FARS2: variants seen among roughly 807,000 people sequenced by gnomAD.
FARS2 encodes the protein phenylalanyl-tRNA synthetase 2, mitochondrial.
Under a neutral mutation model 46.4 loss-of-function variants are expected in FARS2, and 40 were observed. The ratio of observed to expected loss-of-function variants is 0.86; its 90% CI spans 0.67 to 1.12. The LOEUF is 1.12. FARS2 is among the 50% of genes most tolerant of loss of function. The probability of loss-of-function intolerance (pLI) is 0.00; values close to 1 mark genes in which losing one functional copy is unlikely to be tolerated. For missense variants in FARS2, 513 were observed against 567.9 expected (o/e 0.90, Z 0.98); for synonymous variants, 234 against 214.9 (o/e 1.09, Z -0.78).
intron 5 of FARS2, among the ~76,000 whole-genome samples, chr6:5,589,526 CA>C (rs1258658501): frequency 1.1e-4 from 17 of 152,206 alleles, no homozygotes; most frequent in Non-Finnish European, 1.2e-4. Flanking sequence ...TTCGCTTTGG[CA>C]GTACCATGTT....
At chr6:5,379,239 C>T (rs1759593406) in intron 2 of FARS2, among the ~76,000 whole-genome samples, 2 of 152,172 alleles carry the variant, frequency 1.3e-5, no homozygotes, top group Non-Finnish European at 1.5e-5. Flanking sequence ...GGGCTGTCAA[C>T]TTTCACTGAA....
At chr6:5,686,351 G>A (rs542297254) in intron 6 of FARS2, among the ~76,000 whole-genome samples, 12 of 138,402 alleles carry the variant, frequency 8.7e-5, no homozygotes, top group African/African-American at 2.1e-4. Flanking sequence ...CTCCCCCCCC[G>A]CTGCCCACAC....
chr6:5,702,413 T>C (rs899268364), intron 6 of FARS2, among the ~76,000 whole-genome samples: 4 of 152,256 alleles, frequency 2.6e-5, no homozygotes, highest in African/African-American at 7.2e-5. Context: ...ATTCTTCTTA[T>C]CCTTCTGTAA....
intron 4 of FARS2, among the ~76,000 whole-genome samples, chr6:5,525,726 C>T (rs1769423617): frequency 6.6e-6 from 1 of 152,218 alleles, no homozygotes; most frequent in African/African-American, 2.4e-5. Context: ...TAGATTGGAT[C>T]AAGATGTTTA....
intron 4 of FARS2, among the ~76,000 whole-genome samples, chr6:5,475,274 T>A (rs1766056987): frequency 6.6e-6 from 1 of 152,192 alleles, no homozygotes; most frequent in South Asian, 2.1e-4. Flanking sequence ...ATATGCAGGC[T>A]TGAAGAGAAG....
At chr6:5,469,062 G>C (rs1313633054) in intron 4 of FARS2, among the ~76,000 whole-genome samples, 1 of 152,126 alleles carries the variant, frequency 6.6e-6, no homozygotes, top group East Asian at 1.9e-4. Flanking sequence ...ATGAGATTTG[G>C]GTTCTTGAAA....
intron 6 of FARS2, among the ~76,000 whole-genome samples, chr6:5,763,711 A>G (rs1458715027): frequency 6.7e-6 from 1 of 149,884 alleles, no homozygotes; most frequent in Non-Finnish European, 1.5e-5. Context: ...GGAAAACCGT[A>G]TAGAGTCATG....
chr6:5,432,341 T>TA (rs1763238136), intron 4 of FARS2, among the ~76,000 whole-genome samples: 1 of 33,130 alleles, frequency 3.0e-5, no homozygotes. Flanking sequence ...TATATATATA[T>TA]ATATATATAT....
In FARS2 at chr6:5,667,741, G is replaced by A. The variant is rs1346813320; in HGVS notation, c.1217+54421G>A. On this transcript the variant is annotated intron_variant, in intron 6 of 6. Coordinates refer to ENST00000274680, the MANE Select transcript of FARS2 (RefSeq NM_006567.5). ...ACAATCTGTCCAAATCTGTTATTTT[G>A]CAGAGGGGGAAGTGGAGACCCAGCC... 2.6e-5 allele frequency among the ~76,000 whole-genome samples: 4 copies of A among 152,292 alleles called. No homozygotes were observed. The East Asian group carries it at 5.8e-4, about 22-fold the overall frequency.
intron 1 of FARS2, among the ~76,000 whole-genome samples, chr6:5,367,855 T>G (rs754371190): frequency 7.2e-5 from 11 of 152,214 alleles, no homozygotes; most frequent in Non-Finnish European, 1.6e-4. Flanking sequence ...TCCATTGATA[T>G]AGTCTATCAC....
rs184263252 is a variant in FARS2 at position 5,513,196 on chromosome 6, C to T, written c.905-31984C>T. ...ATCAGCAAGTCCTAGTGACTCATCT[C>T]ATGTGACAGGTGAGGGAGGGAATGG... On this transcript the variant is annotated intron_variant, in intron 4 of 6. Coordinates refer to ENST00000274680, the MANE Select transcript of FARS2 (RefSeq NM_006567.5). Among the ~76,000 whole-genome samples, 623 of 152,190 alleles carry T rather than the reference C, an allele frequency of 4.1e-3. 3 individuals carry two copies. The highest frequency in any genetic ancestry group is 0.014 in the African/African-American group (587 of 41,514).
intron 1 of FARS2, among the ~76,000 whole-genome samples, chr6:5,284,542 T>G (rs939051055): frequency 6.6e-6 from 1 of 152,174 alleles, no homozygotes; most frequent in South Asian, 2.1e-4. Context: ...TAACATTTTA[T>G]TTGAGATTTC....
intron 6 of FARS2, among the ~76,000 whole-genome samples, chr6:5,682,057 C>A (rs1779060647): frequency 6.6e-6 from 1 of 152,162 alleles, no homozygotes; most frequent in Admixed American, 6.5e-5. Context: ...GACTCTACCT[C>A]CATTTGTTTA....
chr6:5,462,499 A>G (rs1455325701), intron 4 of FARS2, among the ~76,000 whole-genome samples: 1 of 152,092 alleles, frequency 6.6e-6, no homozygotes, highest in Non-Finnish European at 1.5e-5. Flanking sequence ...ATTTTCTTCT[A>G]GAAGTTTATT....
At chr6:5,736,356 T>C (rs965766110) in intron 6 of FARS2, among the ~76,000 whole-genome samples, 3 of 152,146 alleles carry the variant, frequency 2.0e-5, no homozygotes, top group African/African-American at 7.2e-5. Context: ...TGGTCCATTG[T>C]GGGAGGGGCC....
intron 5 of FARS2, among the ~76,000 whole-genome samples, chr6:5,546,343 TG>T (rs767835373): frequency 2.7e-5 from 4 of 149,648 alleles, no homozygotes; most frequent in African/African-American, 4.9e-5. Context: ...CTGCGCCTCC[TG>T]GGTTCAAGCA....
At chr6:5,638,151 A>G (rs745474071) in intron 6 of FARS2, among the ~76,000 whole-genome samples, 114 of 152,252 alleles carry the variant, frequency 7.5e-4, no homozygotes, top group Non-Finnish European at 1.4e-3. Context: ...CTCTGATCCT[A>G]TATTCTAATA....
intron 5 of FARS2, among the ~76,000 whole-genome samples, chr6:5,598,093 A>T (rs1244788448): frequency 2.6e-5 from 4 of 152,092 alleles, no homozygotes; most frequent in Non-Finnish European, 5.9e-5. Context: ...TCTCTTAAAA[A>T]TTTAGGTGAA....
In FARS2 at chr6:5,725,198, G is replaced by A. The variant is rs146363090; in HGVS notation, c.1218-46093G>A. Reference sequence around the variant, plus strand: ...TTAGTTGAAAGAGAGGGTTAGTGATGGCCAAATTCGTAGCCTGTTTTGGGG... The same window carrying A: ...TTAGTTGAAAGAGAGGGTTAGTGATAGCCAAATTCGTAGCCTGTTTTGGGG... On this transcript the variant is annotated intron_variant, in intron 6 of 6. Coordinates refer to ENST00000274680, the MANE Select transcript of FARS2 (RefSeq NM_006567.5). Among the ~76,000 whole-genome samples the A allele has an allele frequency of 4.5e-3, 692 of 152,354 alleles. 4 individuals are homozygous for A. Among genetic ancestry groups the A allele is most frequent in the African/African-American group, 0.016 (656 of 41,582 alleles).
Sources: allele counts gnomAD v4.1 joint callset (sites outside exome capture counted in the v4.1 genomes callset), GRCh38; gene constraint gnomAD v4.1.1; transcripts MANE v1.5; gene names NCBI Gene and HGNC (gene_info 2026-07-23, HGNC 2026-07-21).